The following PPP3CA variants were observed in gnomAD, a reference collection of about 807,000 sequenced individuals.
The protein encoded by PPP3CA is CAM-PRP catalytic subunit.
A neutral mutation model predicts 66.5 loss-of-function variants in PPP3CA; 14 were observed. The observed-to-expected ratio is 0.21, with a 90% confidence interval of 0.14 to 0.33. The LOEUF (loss-of-function observed/expected upper bound fraction) is 0.33. Among genes scored for constraint, PPP3CA ranks in the 10% least tolerant of loss-of-function variants. The pLI is 1.00. For synonymous variants in PPP3CA, 232 were observed against 226.2 expected (o/e 1.03, Z -0.23); for missense variants, 317 against 639.5 (o/e 0.50, Z 5.44).
intron 2 of PPP3CA, among the ~76,000 whole-genome samples, chr4:101,148,093 C>A (rs1723024871): frequency 6.6e-6 from 1 of 152,042 alleles, no homozygotes; most frequent in South Asian, 2.1e-4. Flanking sequence ...CCTTAGGATA[C>A]ACTGAAATTA....
At position 101,347,084 on chromosome 4, in the gene PPP3CA, C is replaced by T. The variant is rs1730034811; in HGVS notation, c.-288G>A. ...TTATTTATTTATTTTCTGAGCACGC[C>T]TCCCGGTTCTTCTTTTATTCTTGGG... On this transcript the variant is annotated 5_prime_UTR_variant, in exon 1 of 14. Transcript: ENST00000394854. 3.7e-6 allele frequency: 2 copies of T among 539,574 alleles called. No individual in the cohort carries two copies. Among genetic ancestry groups the T allele is most frequent in the Non-Finnish European group, 6.6e-6 (2 of 304,330 alleles). 33.4% of individuals were successfully genotyped at this position (539,574 alleles called of 1,614,324 possible). A position where few individuals can be genotyped will look rare whatever the true frequency, so the allele number is the denominator to read the frequency against.
intron 1 of PPP3CA, among the ~76,000 whole-genome samples, chr4:101,247,530 T>C (rs1432979758): frequency 6.6e-6 from 1 of 152,180 alleles, no homozygotes; most frequent in Non-Finnish European, 1.5e-5. Context: ...TATACTATTC[T>C]GCATTTTGTA....
chr4:101,275,383 T>C lies in PPP3CA; in HGVS notation c.58+71356A>G, dbSNP rs191045032. On this transcript the variant is annotated intron_variant, in intron 1 of 13. Transcript: ENST00000394854. ...TACCATGTTCTTATCTGTAATCGCC[T>C]ATAGAAAGTTATACCTTCTTTCACG... Among the ~76,000 whole-genome samples, 188 of 152,314 alleles carry C rather than the reference T, an allele frequency of 1.2e-3. 3 individuals carry two copies. The highest frequency in any genetic ancestry group is 2.9e-4 in the Non-Finnish European group (20 of 68,028).
intron 1 of PPP3CA, among the ~76,000 whole-genome samples, chr4:101,280,586 G>A (rs554956279): frequency 2.0e-4 from 30 of 152,210 alleles, no homozygotes; most frequent in African/African-American, 6.3e-4. Flanking sequence ...GTAGGAGGCC[G>A]AGGCGGGTGG....
chr4:101,031,358 T>C (rs897207029), intron 12 of PPP3CA, among the ~76,000 whole-genome samples: 3 of 152,172 alleles, frequency 2.0e-5, no homozygotes, highest in Non-Finnish European at 4.4e-5. Flanking sequence ...ATTTTAATTT[T>C]TTTCTGTTAA....
intron 6 of PPP3CA, 62 bp downstream of exon 6, chr4:101,093,714 G>T: frequency 7.0e-7 from 1 of 1,435,898 alleles, no homozygotes; most frequent in Non-Finnish European, 9.3e-7. Flanking sequence ...CAAACACATG[G>T]ACTGATAAAT....
intron 2 of PPP3CA, among the ~76,000 whole-genome samples, chr4:101,177,937 T>A (rs1184239638): frequency 6.6e-6 from 1 of 152,106 alleles, no homozygotes; most frequent in Non-Finnish European, 1.5e-5. Context: ...AACATATATA[T>A]CCATCCATTT....
At chr4:101,185,457 G>A (rs1399280378) in intron 2 of PPP3CA, among the ~76,000 whole-genome samples, 2 of 152,124 alleles carry the variant, frequency 1.3e-5, no homozygotes, top group Non-Finnish European at 2.9e-5. Flanking sequence ...CTAAACTTTT[G>A]AAACATGGTC....
At position 101,346,877 on chromosome 4, in the gene PPP3CA, A is replaced by ACGCCACCGC; in HGVS notation, c.-82_-81insGCGGTGGCG. 2 of 1,292,674 alleles carry ACGCCACCGC rather than the reference A, an allele frequency of 1.5e-6. No individual in the cohort carries two copies. The highest frequency in any genetic ancestry group is 2.1e-6 in the Non-Finnish European group (2 of 931,028). 80.1% of individuals were successfully genotyped at this position (1,292,674 alleles called of 1,614,324 possible). A position where few individuals can be genotyped will look rare whatever the true frequency, so the allele number is the denominator to read the frequency against. ...ACCGGACCGGCGGGCCAGACACTCA[A>ACGCCACCGC]CGCCGCCGCCGCCGCCGCCGCCGCC... On this transcript the variant is annotated 5_prime_UTR_variant, in exon 1 of 14. Coordinates refer to ENST00000394854, the MANE Select transcript of PPP3CA (RefSeq NM_000944.5).
At chr4:101,307,386 C>T (rs76177193) in intron 1 of PPP3CA, among the ~76,000 whole-genome samples, 1,937 of 152,138 alleles carry the variant, frequency 0.013, 47 homozygotes, top group African/African-American at 0.044. Context: ...CTTTTACCTT[C>T]GAAACAATTC....
At chr4:101,260,602 G>A (rs1413292199) in intron 1 of PPP3CA, among the ~76,000 whole-genome samples, 1 of 152,030 alleles carries the variant, frequency 6.6e-6, no homozygotes, top group African/African-American at 2.4e-5. Flanking sequence ...GCCCTGATGA[G>A]CCAAATTATT....
At chr4:101,083,308 T>C (rs758819490) in intron 6 of PPP3CA, 45 bp from the exon 7 acceptor site, 3 of 1,495,170 alleles carry the variant, frequency 2.0e-6, no homozygotes, top group Non-Finnish European at 2.8e-6. Context: ...TAGGAAATCA[T>C]CAGGAGTAGC....
chr4:101,192,859 A>G (rs1422607109), intron 2 of PPP3CA, among the ~76,000 whole-genome samples: 2 of 152,160 alleles, frequency 1.3e-5, no homozygotes, highest in African/African-American at 4.8e-5. Context: ...TCTATGTCTC[A>G]TATGTTTTAT....
chr4:101,330,557 C>T (rs1729351835), intron 1 of PPP3CA: 1 of 415,474 alleles, frequency 2.4e-6, no homozygotes, highest in South Asian at 1.8e-5. Context: ...ACTTAACAGA[C>T]TACAGTATAG....
intron 6 of PPP3CA, among the ~76,000 whole-genome samples, chr4:101,085,408 T>A (rs1578431632): frequency 5.9e-5 from 9 of 152,222 alleles, no homozygotes; most frequent in Admixed American, 5.9e-4. Context: ...TTCGTCACAC[T>A]AAGTTTGATA....
intron 3 of PPP3CA, among the ~76,000 whole-genome samples, chr4:101,105,045 C>T (rs1482888470): frequency 1.3e-5 from 2 of 152,058 alleles, no homozygotes; most frequent in East Asian, 3.8e-4. Context: ...TCAAAAGGAG[C>T]ATACTAAACA....
At chr4:101,044,669 C>T (rs1727681358) in intron 10 of PPP3CA, among the ~76,000 whole-genome samples, 1 of 151,974 alleles carries the variant, frequency 6.6e-6, no homozygotes, top group South Asian at 2.1e-4. Context: ...AAGTTCTGAT[C>T]TTCTTTTATG....
At chr4:101,101,749 A>C (rs894965339) in intron 3 of PPP3CA, among the ~76,000 whole-genome samples, 1 of 152,126 alleles carries the variant, frequency 6.6e-6, no homozygotes, top group Non-Finnish European at 1.5e-5. Context: ...ATCCAGTTAC[A>C]TTTCAGCATT....
intron 1 of PPP3CA, among the ~76,000 whole-genome samples, chr4:101,337,917 T>TA (rs1300767065): frequency 6.6e-6 from 1 of 152,234 alleles, no homozygotes; most frequent in African/African-American, 2.4e-5. Context: ...GAGCAGCCTG[T>TA]ACTCGTGATG....
Sources: allele counts gnomAD v4.1 joint callset (sites outside exome capture counted in the v4.1 genomes callset), GRCh38; gene constraint gnomAD v4.1.1; transcripts MANE v1.5; gene names NCBI Gene and HGNC (gene_info 2026-07-23, HGNC 2026-07-21).